The following EPB41L4A variants were observed in gnomAD, a reference collection of about 807,000 sequenced individuals.
EPB41L4A encodes the protein band 4.1-like protein 4A.
A neutral mutation model predicts 108.6 loss-of-function variants in EPB41L4A; 100 were observed. That is an observed-to-expected ratio of 0.92 (90% CI 0.78 to 1.09). The LOEUF is 1.09. EPB41L4A is among the 50% of genes least tolerant of loss of function. The probability of loss-of-function intolerance (pLI) is 0.00; values close to 1 mark genes in which losing one functional copy is unlikely to be tolerated. For missense variants in EPB41L4A, 1,030 were observed against 842.7 expected, an observed-to-expected ratio of 1.22 and a Z score of -2.75; for synonymous variants, 319 against 289.0, an observed-to-expected ratio of 1.10 and a Z score of -1.05.
intron 13 of EPB41L4A, among the ~76,000 whole-genome samples, chr5:112,208,244 CAAA>C (rs68152475): frequency 3.5e-5 from 3 of 85,110 alleles, no homozygotes; most frequent in East Asian, 3.8e-4. Context: ...GACTCCATCT[CAAA>C]AAAAAAAAAA....
chr5:112,406,950 C>T (rs1433661833), intron 1 of EPB41L4A, among the ~76,000 whole-genome samples: 1 of 152,082 alleles, frequency 6.6e-6, no homozygotes, highest in Non-Finnish European at 1.5e-5. Flanking sequence ...GTAATTATGT[C>T]AGCTCTTCCA....
At chr5:112,181,315 G>A (rs1761138594) in intron 18 of EPB41L4A, among the ~76,000 whole-genome samples, 1 of 152,134 alleles carries the variant, frequency 6.6e-6, no homozygotes, top group South Asian at 2.1e-4. Context: ...GCCGGGCGTG[G>A]TGGCGGGCGC....
chr5:112,273,159 T>C (rs1445845141), intron 4 of EPB41L4A, among the ~76,000 whole-genome samples: 1 of 152,256 alleles, frequency 6.6e-6, no homozygotes, highest in Non-Finnish European at 1.5e-5. Context: ...ATAAAATGAA[T>C]AATGTGCATA....
At chr5:112,339,786 T>C (rs1757192542) in intron 1 of EPB41L4A, among the ~76,000 whole-genome samples, 1 of 152,098 alleles carries the variant, frequency 6.6e-6, no homozygotes. Flanking sequence ...TCCACCTGCC[T>C]TCGCCTCCCA....
intron 9 of EPB41L4A, among the ~76,000 whole-genome samples, chr5:112,246,622 C>G (rs1750246181): frequency 6.6e-6 from 1 of 152,202 alleles, no homozygotes; most frequent in Admixed American, 6.5e-5. Context: ...GCTGTTAAAA[C>G]TTTACCATGG....
intron 1 of EPB41L4A, among the ~76,000 whole-genome samples, chr5:112,343,228 C>A (rs1488518556): frequency 1.3e-5 from 2 of 152,176 alleles, no homozygotes; most frequent in Non-Finnish European, 2.9e-5. Flanking sequence ...TTCATAATTT[C>A]AAACACATCC....
chr5:112,167,678 C>CGGATCA (rs1760333730), intron 22 of EPB41L4A, among the ~76,000 whole-genome samples: 1 of 152,160 alleles, frequency 6.6e-6, no homozygotes, highest in Non-Finnish European at 1.5e-5. Flanking sequence ...GCTCCCTGTG[C>CGGATCA]GGATCAGCTC....
chr5:112,269,614 T>C (rs1580574261), intron 4 of EPB41L4A, among the ~76,000 whole-genome samples: 1 of 152,166 alleles, frequency 6.6e-6, no homozygotes, highest in East Asian at 1.9e-4. Context: ...CCAGTCTGCC[T>C]AGGAGAGTAC....
chr5:112,155,169 G>A (rs1249460859), intron 12 of EPB41L4A, among the ~76,000 whole-genome samples: 1 of 152,030 alleles, frequency 6.6e-6, no homozygotes, highest in Non-Finnish European at 1.5e-5. Context: ...GAGAAAAAGA[G>A]GAATAGTTCT....
chr5:112,373,950 G>A (rs995384884), intron 1 of EPB41L4A, among the ~76,000 whole-genome samples: 43 of 152,206 alleles, frequency 2.8e-4, no homozygotes, highest in African/African-American at 1.0e-3. Flanking sequence ...AATATATGAA[G>A]AAGAGAAAAC....
At chr5:112,294,185 C>G (rs1021321748) in intron 2 of EPB41L4A, among the ~76,000 whole-genome samples, 5 of 152,140 alleles carry the variant, frequency 3.3e-5, no homozygotes, top group African/African-American at 1.2e-4. Context: ...TTCCTAATAT[C>G]TCAGTAAAGC....
At chr5:112,350,179 A>G (rs1245866112) in intron 1 of EPB41L4A, among the ~76,000 whole-genome samples, 4 of 152,340 alleles carry the variant, frequency 2.6e-5, no homozygotes, top group Non-Finnish European at 5.9e-5. Flanking sequence ...TTAAATACGC[A>G]TATGTGGCTA....
intron 12 of EPB41L4A, among the ~76,000 whole-genome samples, chr5:112,233,795 A>C (rs1749130563): frequency 6.6e-6 from 1 of 151,992 alleles, no homozygotes; most frequent in African/African-American, 2.4e-5. Flanking sequence ...TCAAATTAAG[A>C]AATTACTCAG....
chr5:112,223,425 T>C (rs1748221774), intron 12 of EPB41L4A, among the ~76,000 whole-genome samples: 1 of 152,138 alleles, frequency 6.6e-6, no homozygotes, highest in South Asian at 2.1e-4. Flanking sequence ...AATACTGGCA[T>C]AGAAACCATC....
At chr5:112,336,539 G>C (rs1053496819) in intron 1 of EPB41L4A, among the ~76,000 whole-genome samples, 1 of 152,158 alleles carries the variant, frequency 6.6e-6, no homozygotes, top group Admixed American at 6.5e-5. Flanking sequence ...AGAGCTGTTC[G>C]CCAAATACTT....
At chr5:112,274,149 A>G (rs998372829) in intron 4 of EPB41L4A, among the ~76,000 whole-genome samples, 2 of 151,948 alleles carry the variant, frequency 1.3e-5, no homozygotes, top group Non-Finnish European at 1.5e-5. Flanking sequence ...GTGTAGTGGC[A>G]CACACCTGTA....
intron 1 of EPB41L4A, among the ~76,000 whole-genome samples, chr5:112,331,571 G>A (rs1756569276): frequency 6.6e-6 from 1 of 152,210 alleles, no homozygotes; most frequent in Non-Finnish European, 1.5e-5. Flanking sequence ...AATACTTGGT[G>A]CCTGGGGCCA....
At chr5:112,319,651 C>T (rs1430101372) in intron 1 of EPB41L4A, among the ~76,000 whole-genome samples, 1 of 152,156 alleles carries the variant, frequency 6.6e-6, no homozygotes, top group Admixed American at 6.5e-5. Flanking sequence ...TGCAAAATAC[C>T]TGGCCTATTC....
chr5:112,366,500 G>C (rs1417837103), intron 1 of EPB41L4A, among the ~76,000 whole-genome samples: 1 of 151,856 alleles, frequency 6.6e-6, no homozygotes, highest in African/African-American at 2.4e-5. Flanking sequence ...AAGAGCAAGG[G>C]GTGGGAGGTA....
Sources: gnomAD v4.1 joint callset for allele counts (sites outside exome capture counted in the v4.1 genomes callset) on GRCh38, gnomAD v4.1.1 for gene constraint, MANE v1.5 for transcripts, NCBI Gene and HGNC (gene_info 2026-07-23, HGNC 2026-07-21) for gene names.